The following COL19A1 variants were observed in gnomAD, a reference collection of about 807,000 sequenced individuals.
The protein encoded by COL19A1 is collagen alpha-1(XIX) chain.
A neutral mutation model predicts 190.2 loss-of-function variants in COL19A1; 159 were observed. The ratio of observed to expected loss-of-function variants is 0.84; its 90% confidence interval spans 0.73 to 0.95. COL19A1 has a LOEUF of 0.95. COL19A1 is among the 40% of genes least tolerant of loss of function. COL19A1 has a pLI of 0.00. For synonymous variants in COL19A1, 509 were observed against 458.9 expected, an observed-to-expected ratio of 1.11 and a Z score of -1.39; for missense variants, 1,418 against 1,431.9, an observed-to-expected ratio of 0.99 and a Z score of 0.16.
rs202016201 is a variant in COL19A1 at position 69,960,882 on chromosome 6, C to T, written c.981+842C>T. Among the ~76,000 whole-genome samples the T allele has an allele frequency of 1.8e-4, 28 of 152,170 alleles. No individual in the cohort carries two copies. In the East Asian group the frequency reaches 4.4e-3, roughly 24 times the overall value. Reference sequence around the variant, plus strand: ...TCCTGACCTCGTGATCCACCCGCCTCGGCCTCCCAAAGTGCTGGGATTACA... The same window carrying T: ...TCCTGACCTCGTGATCCACCCGCCTTGGCCTCCCAAAGTGCTGGGATTACA... On this transcript the variant is annotated intron_variant, in intron 10 of 50. Coordinates refer to ENST00000620364, the MANE Select transcript of COL19A1 (RefSeq NM_001858.6).
intron 9 of COL19A1, 108 bp from the exon 10 acceptor site, chr6:69,959,888 T>C: frequency 2.2e-6 from 2 of 889,430 alleles, no homozygotes; most frequent in Non-Finnish European, 3.4e-6. Context: ...TATTCAGTAT[T>C]AGGCTACCTT....
chr6:69,906,304 A>C (rs2149980946), intron 4 of COL19A1, among the ~76,000 whole-genome samples: 1 of 152,314 alleles, frequency 6.6e-6, no homozygotes, highest in East Asian at 1.9e-4. Flanking sequence ...TTTCAAATGT[A>C]CCAAGGAAGT....
intron 9 of COL19A1, among the ~76,000 whole-genome samples, chr6:69,944,155 T>C (rs1240307298): frequency 2.0e-5 from 3 of 152,144 alleles, no homozygotes; most frequent in Non-Finnish European, 4.4e-5. Context: ...TTTAGGCCCT[T>C]GCTCAAAAAT....
intron 4 of COL19A1, among the ~76,000 whole-genome samples, chr6:69,911,278 C>T (rs904813653): frequency 6.6e-6 from 1 of 152,142 alleles, no homozygotes; most frequent in African/African-American, 2.4e-5. Context: ...AGAAAATAAA[C>T]ATGGTAGCAG....
At chr6:70,072,238 C>T (rs181275382) in intron 15 of COL19A1, among the ~76,000 whole-genome samples, 1 of 152,232 alleles carries the variant, frequency 6.6e-6, no homozygotes, top group East Asian at 1.9e-4. Flanking sequence ...AACAAACAGA[C>T]TCTCCCCAAA....
intron 20 of COL19A1, 146 bp from the exon 21 acceptor site, chr6:70,141,747 G>A (rs577860950): frequency 2.8e-4 from 171 of 601,498 alleles, no homozygotes; most frequent in South Asian, 5.7e-4. Flanking sequence ...TCATGTTTTA[G>A]AATGAACTCT....
At chr6:70,183,100 CT>C (rs1766285878) in intron 44 of COL19A1, among the ~76,000 whole-genome samples, 1 of 151,982 alleles carries the variant, frequency 6.6e-6, no homozygotes, top group South Asian at 2.1e-4. Context: ...TGAAAGAGTA[CT>C]TTTGGAGAGA....
At chr6:69,977,985 C>A (rs1031759452) in intron 11 of COL19A1, among the ~76,000 whole-genome samples, 5 of 152,040 alleles carry the variant, frequency 3.3e-5, no homozygotes, top group Admixed American at 3.3e-4. Flanking sequence ...AATTTACTAG[C>A]CAGAAACACA....
Position 70,199,581 on chromosome 6 carries a change from A to G in COL19A1, c.3095-27A>G, listed in dbSNP as rs768021731. 2.8e-6 allele frequency: 4 copies of G among 1,440,490 alleles called. No homozygotes were observed. In the East Asian group the frequency reaches 1.0e-4, roughly 36 times the overall value. 89.2% of individuals were successfully genotyped at this position (1,440,490 alleles called of 1,614,324 possible). ...ACATAAAATATTTCTGTTCTATGAT[A>G]TATTATTTTTTCTTCTATACATGAA... is the stretch of plus-strand genomic sequence containing the variant. On this transcript the variant is annotated intron_variant, in intron 48 of 50. Coordinates refer to ENST00000620364, the MANE Select transcript of COL19A1 (RefSeq NM_001858.6).
intron 48 of COL19A1, among the ~76,000 whole-genome samples, chr6:70,194,585 G>A (rs1767077421): frequency 6.6e-6 from 1 of 152,172 alleles, no homozygotes; most frequent in African/African-American, 2.4e-5. Context: ...CACAGGACAA[G>A]GACAGATGCC....
chr6:69,975,637 G>A (rs1370538115), intron 11 of COL19A1, among the ~76,000 whole-genome samples: 3 of 152,118 alleles, frequency 2.0e-5, no homozygotes, highest in African/African-American at 2.4e-5. Context: ...GTTTGTTAAC[G>A]TTAAACTTTT....
intron 15 of COL19A1, among the ~76,000 whole-genome samples, chr6:70,099,864 A>ACTGACACT (rs763394653): frequency 1.8e-4 from 27 of 152,202 alleles, no homozygotes; most frequent in Non-Finnish European, 2.4e-4. Context: ...CAGCATGCAC[A>ACTGACACT]CTGACACTCT....
chr6:69,987,019 C>T (rs531155993), intron 11 of COL19A1, among the ~76,000 whole-genome samples: 1 of 152,272 alleles, frequency 6.6e-6, no homozygotes, highest in East Asian at 1.9e-4. Flanking sequence ...CTCTTGGGCT[C>T]AAGAGATCCT....
chr6:70,182,861 T>C (rs572322261), intron 44 of COL19A1, among the ~76,000 whole-genome samples: 1 of 152,314 alleles, frequency 6.6e-6, no homozygotes, highest in African/African-American at 2.4e-5. Context: ...AGAACTGGTA[T>C]ACTCACAAGT....
At chr6:70,037,872 T>C (rs1779435668) in intron 14 of COL19A1, among the ~76,000 whole-genome samples, 1 of 152,174 alleles carries the variant, frequency 6.6e-6, no homozygotes, top group African/African-American at 2.4e-5. Flanking sequence ...ACAAGCTAAT[T>C]TCATACTTGT....
intron 4 of COL19A1, among the ~76,000 whole-genome samples, chr6:69,903,550 G>T (rs1043549416): frequency 6.6e-6 from 1 of 152,164 alleles, no homozygotes; most frequent in Non-Finnish European, 1.5e-5. Context: ...TGAGCCTGAA[G>T]GGCAGCATAC....
At chr6:70,145,032 A>AT (rs3841703) in intron 25 of COL19A1, 25 bp downstream of exon 25, 651,370 of 1,485,844 alleles carry the variant, frequency 0.44, 147,097 homozygotes, top group African/African-American at 0.58. Context: ...TTTTGTTAAT[A>AT]TTTTTCTTGC....
intron 34 of COL19A1, among the ~76,000 whole-genome samples, chr6:70,158,957 T>C (rs547344364): frequency 1.3e-5 from 2 of 152,118 alleles, no homozygotes; most frequent in Non-Finnish European, 2.9e-5. Context: ...ATAGTAACTT[T>C]CACTTTTACT....
chr6:70,121,609 G>C (rs1784881679), intron 16 of COL19A1, among the ~76,000 whole-genome samples: 1 of 152,074 alleles, frequency 6.6e-6, no homozygotes, highest in East Asian at 1.9e-4. Flanking sequence ...TTTCAATAAA[G>C]AATATGCTGA....
Sources: allele counts gnomAD v4.1 joint callset (sites outside exome capture counted in the v4.1 genomes callset), GRCh38; gene constraint gnomAD v4.1.1; transcripts MANE v1.5; gene names NCBI Gene and HGNC (gene_info 2026-07-23, HGNC 2026-07-21).